Variants in FRK observed in about 807,000 individuals in gnomAD.
FRK encodes the protein fyn related Src family tyrosine kinase.
A neutral mutation model predicts 56.4 loss-of-function variants in FRK; 51 were observed. The observed-to-expected ratio is 0.90, with a 90% CI of 0.72 to 1.14. FRK has a LOEUF of 1.14. FRK is among the 50% of genes most tolerant of loss of function. The pLI is 0.00. For missense variants in FRK, 570 were observed against 601.4 expected (o/e 0.95, Z 0.55); for synonymous variants, 245 against 217.9 (o/e 1.12, Z -1.10).
intron 5 of FRK, among the ~76,000 whole-genome samples, chr6:115,946,321 A>C (rs1007027375): frequency 6.6e-6 from 1 of 152,150 alleles, no homozygotes; most frequent in Non-Finnish European, 1.5e-5. Flanking sequence ...GCAGCTTAAC[A>C]TTCCTATGCC....
At chr6:115,955,927 G>A (rs1772967000) in intron 5 of FRK, among the ~76,000 whole-genome samples, 1 of 152,170 alleles carries the variant, frequency 6.6e-6, no homozygotes, top group Admixed American at 6.5e-5. Context: ...GAGAAATAAA[G>A]TAATAGCATA....
intron 6 of FRK, 120 bp downstream of exon 6, chr6:115,944,124 T>C (rs1772320658): frequency 1.3e-6 from 1 of 754,228 alleles, no homozygotes; most frequent in Non-Finnish European, 2.0e-6. Flanking sequence ...ACTGAAGTAG[T>C]TTATGGACTA....
chr6:115,953,686 A>G (rs1308931897), intron 5 of FRK, among the ~76,000 whole-genome samples: 1 of 152,184 alleles, frequency 6.6e-6, no homozygotes, highest in Non-Finnish European at 1.5e-5. Context: ...CCAAGCCACA[A>G]AAATCCTCAA....
intron 2 of FRK, among the ~76,000 whole-genome samples, chr6:115,981,429 T>C (rs150417311): frequency 2.6e-5 from 4 of 152,214 alleles, no homozygotes; most frequent in East Asian, 3.9e-4. Flanking sequence ...GTAGAAACAA[T>C]AGAAACATTT....
chr6:116,034,151 C>A (rs1456518136), intron 1 of FRK, among the ~76,000 whole-genome samples: 1 of 151,964 alleles, frequency 6.6e-6, no homozygotes, highest in Non-Finnish European at 1.5e-5. Context: ...TAAAAACATA[C>A]AGTTAGACAG....
chr6:115,993,752 A>G (rs1774711490), intron 2 of FRK, among the ~76,000 whole-genome samples: 1 of 152,022 alleles, frequency 6.6e-6, no homozygotes, highest in Non-Finnish European at 1.5e-5. Flanking sequence ...AATAAATTTC[A>G]AAGAAATGTC....
intron 3 of FRK, among the ~76,000 whole-genome samples, chr6:115,968,314 G>A (rs780240770): frequency 3.3e-5 from 5 of 152,038 alleles, no homozygotes; most frequent in Non-Finnish European, 5.9e-5. Context: ...TATGGTCTCC[G>A]TTGCACCTTC....
chr6:115,989,890 T>A (rs1243401387), intron 2 of FRK, among the ~76,000 whole-genome samples: 1 of 151,948 alleles, frequency 6.6e-6, no homozygotes, highest in Non-Finnish European at 1.5e-5. Context: ...TTATACTAAT[T>A]TACATTCCCA....
chr6:115,942,279 A>G lies in FRK; in HGVS notation c.*135T>C. The G allele has an allele frequency of 1.4e-6, 1 of 712,342 alleles. No individual in the cohort carries two copies. The highest frequency in any genetic ancestry group is 2.3e-6 in the Non-Finnish European group (1 of 426,894). 44.1% of individuals were successfully genotyped at this position (712,342 alleles called of 1,614,324 possible). A position where few individuals can be genotyped will look rare whatever the true frequency, so the allele number is the denominator to read the frequency against. On this transcript the variant is annotated 3_prime_UTR_variant, in exon 8 of 8. Transcript: ENST00000606080. ...ATGCACAAATAATCTTTTTCATAAT[A>G]CATGGCCAACTTTATCCTATCACTT...
At chr6:115,986,451 A>C (rs777638999) in intron 2 of FRK, among the ~76,000 whole-genome samples, 2 of 152,142 alleles carry the variant, frequency 1.3e-5, no homozygotes, top group Non-Finnish European at 2.9e-5. Flanking sequence ...AAAAGTGATT[A>C]ATACAGGACA....
intron 1 of FRK, among the ~76,000 whole-genome samples, chr6:116,050,802 A>C (rs1035653968): frequency 1.3e-5 from 2 of 152,210 alleles, no homozygotes; most frequent in East Asian, 3.8e-4. Flanking sequence ...TGAATCTCAT[A>C]GAAACTATTT....
At chr6:115,977,156 C>T (rs904900273) in intron 2 of FRK, among the ~76,000 whole-genome samples, 6 of 152,130 alleles carry the variant, frequency 3.9e-5, no homozygotes, top group Non-Finnish European at 8.8e-5. Context: ...AAGTGAATAA[C>T]ATTAATTGAT....
intron 1 of FRK, among the ~76,000 whole-genome samples, chr6:116,024,535 G>A (rs1330621376): frequency 2.6e-5 from 4 of 151,488 alleles, no homozygotes; most frequent in Non-Finnish European, 4.4e-5. Context: ...TTGTTCTTGC[G>A]ATAGTTTACT....
At chr6:115,952,572 G>C (rs1397587143) in intron 5 of FRK, among the ~76,000 whole-genome samples, 1 of 151,664 alleles carries the variant, frequency 6.6e-6, no homozygotes, top group Non-Finnish European at 1.5e-5. Context: ...CCATTACTGG[G>C]TATATACCCA....
chr6:116,080,166 T>C, the FRK span, among the ~76,000 whole-genome samples: 1 of 149,286 alleles, frequency 6.7e-6, no homozygotes, highest in African/African-American at 2.4e-5. Context: ...AAAAAGCCTT[T>C]TTGTTTGTTT....
chr6:115,948,360 C>A (rs1006494427), intron 5 of FRK, among the ~76,000 whole-genome samples: 2 of 152,142 alleles, frequency 1.3e-5, no homozygotes, highest in Admixed American at 6.5e-5. Context: ...TTGCCAACAC[C>A]CTGACTGCAG....
intron 2 of FRK, chr6:116,002,753 T>G (rs759581855): frequency 4.6e-5 from 21 of 454,938 alleles, no homozygotes; most frequent in Non-Finnish European, 7.5e-5. Context: ...ATTGTCTCAG[T>G]GTCAGCATAG....
chr6:115,954,949 G>A (rs769752527), intron 5 of FRK, among the ~76,000 whole-genome samples: 6 of 152,062 alleles, frequency 3.9e-5, no homozygotes, highest in African/African-American at 1.2e-4. Context: ...TTAAGCCCTC[G>A]AGGATTTGGA....
intron 1 of FRK, among the ~76,000 whole-genome samples, chr6:116,046,835 T>C (rs1047276784): frequency 1.3e-5 from 2 of 152,046 alleles, no homozygotes; most frequent in African/African-American, 4.8e-5. Context: ...ACATTCTTTT[T>C]CTTTTTTAAA....
Sources: gnomAD v4.1 joint callset for allele counts (sites outside exome capture counted in the v4.1 genomes callset) on GRCh38, gnomAD v4.1.1 for gene constraint, MANE v1.5 for transcripts, NCBI Gene and HGNC (gene_info 2026-07-23, HGNC 2026-07-21) for gene names.